Variants in RBPJ observed in about 807,000 individuals in gnomAD.
RBPJ encodes the protein recombining binding protein suppressor of hairless.
In RBPJ, 9 loss-of-function variants were observed where a neutral mutation model predicts 67.8. The observed-to-expected ratio is 0.13, with a 90% CI of 0.08 to 0.23. RBPJ has a LOEUF of 0.23. RBPJ is among the 10% of genes least tolerant of loss of function. The probability of loss-of-function intolerance (pLI) is 1.00; values close to 1 mark genes in which losing one functional copy is unlikely to be tolerated. For synonymous variants in RBPJ, 198 were observed against 203.3 expected (o/e 0.97, Z 0.22); for missense variants, 305 against 595.6 (o/e 0.51, Z 5.08).
At chr4:26,182,207 TGGCG>T (rs760660909) in intron 1 of RBPJ, among the ~76,000 whole-genome samples, 31 of 151,872 alleles carry the variant, frequency 2.0e-4, no homozygotes, top group Non-Finnish European at 4.6e-4. Context: ...CCGGGCGCCG[TGGCG>T]GGCGCCTGTA....
intron 2 of RBPJ, among the ~76,000 whole-genome samples, chr4:26,390,425 G>A (rs889130323): frequency 4.6e-5 from 7 of 152,144 alleles, no homozygotes; most frequent in African/African-American, 1.4e-4. Flanking sequence ...AATGAAAGAC[G>A]TCTTGATGGG....
At chr4:26,134,188 G>T in the RBPJ span, among the ~76,000 whole-genome samples, 2 of 151,984 alleles carry the variant, frequency 1.3e-5, no homozygotes, top group Admixed American at 1.3e-4. Context: ...CATTCTTTTT[G>T]GGTCTCAACG....
intron 1 of RBPJ, among the ~76,000 whole-genome samples, chr4:26,274,577 C>A (rs1050271521): frequency 6.6e-6 from 1 of 152,170 alleles, no homozygotes; most frequent in African/African-American, 2.4e-5. Context: ...TGGCAGTGAG[C>A]TGTGGTCATG....
rs558073927 is a variant in RBPJ, at chr4:26,261,615, C to T, written c.-167+98001C>T. ...ATTGAAGGGAAGAAAAAGTAAACCA[C>T]AATAAAAGGAACTTAGAGTCCAGAT... On this transcript the variant is annotated intron_variant, in intron 1 of 4. Coordinates refer to the RBPJ transcript ENST00000512351. Among the ~76,000 whole-genome samples, 9 of 152,302 alleles carry T rather than the reference C, an allele frequency of 5.9e-5. No individual in the cohort carries two copies. The East Asian group carries it at 1.5e-3, about 26-fold the overall frequency.
chr4:26,137,873 C>A, the RBPJ span, among the ~76,000 whole-genome samples: 1 of 152,196 alleles, frequency 6.6e-6, no homozygotes, highest in African/African-American at 2.4e-5. Flanking sequence ...GCCCTGCCCC[C>A]CTTCAGGGAC....
intron 1 of RBPJ, among the ~76,000 whole-genome samples, chr4:26,242,407 G>A (rs1462363634): frequency 4.7e-5 from 7 of 147,708 alleles, no homozygotes; most frequent in East Asian, 2.0e-4. Flanking sequence ...AGATTGCGCC[G>A]CTGTACTCCA....
upstream of RBPJ, among the ~76,000 whole-genome samples, chr4:26,315,774 C>T (rs530003113): frequency 3.3e-5 from 5 of 152,066 alleles, no homozygotes; most frequent in African/African-American, 1.2e-4. Flanking sequence ...CCAGAGCAGC[C>T]GTTTATAGAC....
chr4:26,198,307 A>G (rs1230457165), intron 1 of RBPJ, among the ~76,000 whole-genome samples: 3 of 152,072 alleles, frequency 2.0e-5, no homozygotes, highest in Non-Finnish European at 4.4e-5. Context: ...TGAGGCAGAT[A>G]TTAACTACTA....
At chr4:26,421,304 C>G (rs1265574917) in intron 5 of RBPJ, among the ~76,000 whole-genome samples, 3 of 151,296 alleles carry the variant, frequency 2.0e-5, no homozygotes, top group African/African-American at 7.3e-5. Flanking sequence ...ATTATGGAGA[C>G]TTTTCTTTTT....
At chr4:26,144,677 C>T in the RBPJ span, among the ~76,000 whole-genome samples, 2 of 152,338 alleles carry the variant, frequency 1.3e-5, no homozygotes, top group African/African-American at 2.4e-5. Flanking sequence ...GGCTTAGCCA[C>T]CCACACCCCA....
intron 1 of RBPJ, among the ~76,000 whole-genome samples, chr4:26,195,176 C>T (rs1025445150): frequency 2.6e-5 from 4 of 152,174 alleles, no homozygotes; most frequent in Non-Finnish European, 4.4e-5. Context: ...CAAGACCAGC[C>T]TGGCCAACAT....
the RBPJ span, among the ~76,000 whole-genome samples, chr4:26,140,722 G>A: frequency 2.7e-5 from 4 of 147,258 alleles, no homozygotes; most frequent in African/African-American, 1.0e-4. Context: ...GTCCAGCACC[G>A]CCCTAGTGTT....
At chr4:26,181,180 G>A (rs571666367) in intron 1 of RBPJ, among the ~76,000 whole-genome samples, 4 of 152,242 alleles carry the variant, frequency 2.6e-5, no homozygotes, top group African/African-American at 7.2e-5. Flanking sequence ...GACTAATACC[G>A]TGTGTTTTTA....
chr4:26,428,273 A>G (rs1735883598), intron 7 of RBPJ, among the ~76,000 whole-genome samples: 1 of 152,244 alleles, frequency 6.6e-6, no homozygotes, highest in South Asian at 2.1e-4. Flanking sequence ...GGAAAATATC[A>G]TTAGAACTTG....
intron 2 of RBPJ, among the ~76,000 whole-genome samples, chr4:26,403,256 T>A (rs1285313382): frequency 6.6e-6 from 1 of 151,332 alleles, no homozygotes; most frequent in African/African-American, 2.4e-5. Context: ...TCGTTTTGAG[T>A]TTTTCTCTGG....
intron 1 of RBPJ, among the ~76,000 whole-genome samples, chr4:26,232,912 T>C (rs1315535653): frequency 2.0e-5 from 3 of 152,226 alleles, no homozygotes; most frequent in African/African-American, 7.2e-5. Flanking sequence ...AATTTGACTA[T>C]TGTAATTTAT....
rs1012828166 is a variant in RBPJ at position 26,290,335 on chromosome 4, A to G, written c.-166-72111A>G. Among the ~76,000 whole-genome samples the G allele has an allele frequency of 2.4e-3, 357 of 149,584 alleles. 14 individuals are homozygous for G. Among genetic ancestry groups the G allele is most frequent in the Non-Finnish European group, 7.9e-4 (53 of 67,234 alleles). On this transcript the variant is annotated intron_variant, in intron 1 of 4. Coordinates refer to the RBPJ transcript ENST00000512351. The stretch of plus-strand genomic sequence containing the variant: ...CCCTGTCTAAAAAAAAAAAAAAAAA[A>G]AAGTAAAAAAAGTTAGACCGCATGA...
the RBPJ span, among the ~76,000 whole-genome samples, chr4:26,120,714 C>CTTTTT: frequency 3.4e-4 from 28 of 83,034 alleles, no homozygotes; most frequent in African/African-American, 4.8e-4. Flanking sequence ...ATTTTCTCAA[C>CTTTTT]TTTTTTTTTT....
At chr4:26,336,845 T>C (rs1724886117) in intron 1 of RBPJ, among the ~76,000 whole-genome samples, 1 of 152,198 alleles carries the variant, frequency 6.6e-6, no homozygotes, top group Non-Finnish European at 1.5e-5. Context: ...TTTTAAGGTA[T>C]ATTTATCCTT....
Sources: gnomAD v4.1 joint callset for allele counts (sites outside exome capture counted in the v4.1 genomes callset) on GRCh38, gnomAD v4.1.1 for gene constraint, MANE v1.5 for transcripts, NCBI Gene and HGNC (gene_info 2026-07-23, HGNC 2026-07-21) for gene names.